The following AHDC1 variants were observed in gnomAD, a reference collection of about 807,000 sequenced individuals.
AHDC1 encodes the protein AT-hook DNA binding motif containing 1, also known as transcription factor Gibbin.
A neutral mutation model predicts 87.9 loss-of-function variants in AHDC1; 7 were observed. That is an observed-to-expected ratio of 0.08 (90% CI 0.05 to 0.15). The LOEUF (loss-of-function observed/expected upper bound fraction) is 0.15, where lower values mean the gene tolerates loss of function less well. AHDC1 is among the 10% of genes least tolerant of loss of function. The probability of loss-of-function intolerance (pLI) is 1.00; values close to 1 mark genes in which losing one functional copy is unlikely to be tolerated. For missense variants in AHDC1, 1,841 were observed against 2,253.2 expected (o/e 0.82, Z 3.70); for synonymous variants, 1,051 against 1,006.8 (o/e 1.04, Z -0.83).
rs2148478813 is a variant in AHDC1, at chr1:27,593,024, T to G, written c.-629+10373A>C. ...GACCAGGGGCAGAGTTGGCCCCACC[T>G]CCGAGCTGCATTATTTATAAAACCC... On this transcript the variant is annotated intron_variant, in intron 3 of 8. Transcript: ENST00000673934. This position sits in a 1 kb window ranked among gnomAD's most constrained non-coding sequence, Gnocchi z 4.9. 6.6e-6 allele frequency among the ~76,000 whole-genome samples: 1 copy of G among 152,096 alleles called. No individual in the cohort carries two copies. The highest frequency in any genetic ancestry group is 2.1e-4 in the South Asian group (1 of 4,818).
chr1:27,577,332 C>T (rs1244357714), intron 3 of AHDC1, among the ~76,000 whole-genome samples: 2 of 152,228 alleles, frequency 1.3e-5, no homozygotes, highest in Admixed American at 1.3e-4. Flanking sequence ...CTGTTCAGCT[C>T]CTGCCGTGCG....
chr1:27,570,745 T>C (rs912047134), intron 3 of AHDC1, among the ~76,000 whole-genome samples: 4 of 152,172 alleles, frequency 2.6e-5, no homozygotes, highest in Non-Finnish European at 5.9e-5. Flanking sequence ...GGAGGAAAGA[T>C]AGGGAGATTG....
rs766744511 is a variant in AHDC1, at chr1:27,548,860, A to C, written c.3256T>G (p.Ser1086Ala). 48 of 1,612,254 alleles carry C rather than the reference A, an allele frequency of 3.0e-5. No homozygotes were observed. The highest frequency in any genetic ancestry group is 7.7e-5 in the South Asian group (7 of 91,026). Residue 1086 changes from serine (S) to alanine (A), a missense_variant, in exon 8 of 9, where the codon TCC becomes GCC. Physicochemically the swap from Ser to Ala is moderately conservative, Grantham distance 99. This residue lies in a region of AHDC1 where 378 missense variants were observed against 399.0 expected (regional missense o/e 0.95). Transcript: ENST00000673934. ...GGCTGGAAGGAGGAGGAGGAGGAGGAGGCGGCAGAGGCTGCAGAGGTGGCA... is the reference window on the plus strand; with the variant it reads ...GGCTGGAAGGAGGAGGAGGAGGAGGCGGCGGCAGAGGCTGCAGAGGTGGCA... Reference protein sequence around the residue: ...ASATSAASAASSSSSSFQPSP... With the variant: ...ASATSAASAAASSSSSFQPSP...
At chr1:27,569,737 C>A (rs886148039) in intron 3 of AHDC1, among the ~76,000 whole-genome samples, 3 of 152,150 alleles carry the variant, frequency 2.0e-5, no homozygotes, top group Admixed American at 6.5e-5. Context: ...CTCACCTCCA[C>A]CTCCCCTGAC....
In AHDC1 at chr1:27,598,654, T is replaced by C. The variant is rs117207447; in HGVS notation, c.-629+4743A>G. Among the ~76,000 whole-genome samples, 495 of 152,168 alleles carry C rather than the reference T, an allele frequency of 3.3e-3. 4 individuals carry two copies. Among genetic ancestry groups the C allele is most frequent in the East Asian group, 0.021 (110 of 5,178 alleles). On this transcript the variant is annotated intron_variant, in intron 3 of 8. Transcript: ENST00000673934. The surrounding 1 kb of genome is among the most constrained non-coding windows in gnomAD (Gnocchi z 4.2). ...GGCCATTCCCACCTCCATCTACCCA[T>C]AGGGACGTGGGGGGATCACACCAGT...
chr1:27,579,329 A>G (rs1215464613), intron 3 of AHDC1, among the ~76,000 whole-genome samples: 1 of 151,812 alleles, frequency 6.6e-6, no homozygotes, highest in East Asian at 1.9e-4. Context: ...ACTTTAGCTC[A>G]CTCACTTTCT....
At chr1:27,580,818 A>G (rs965176332) in intron 3 of AHDC1, among the ~76,000 whole-genome samples, 8 of 151,982 alleles carry the variant, frequency 5.3e-5, no homozygotes, top group African/African-American at 1.5e-4. Context: ...AAACCTCACA[A>G]CATTTTAACC....
chr1:27,566,720 G>C (rs1222557398), intron 3 of AHDC1, among the ~76,000 whole-genome samples: 2 of 147,006 alleles, frequency 1.4e-5, no homozygotes, highest in Non-Finnish European at 3.0e-5. Context: ...GCCAGAACTG[G>C]GGGGGGACAG....
At chr1:27,596,681 G>T (rs2089381381) in intron 3 of AHDC1, among the ~76,000 whole-genome samples, 1 of 152,022 alleles carries the variant, frequency 6.6e-6, no homozygotes, top group African/African-American at 2.4e-5. Context: ...ATGCATGCCT[G>T]CCACTGCACG....
chr1:27,573,316 G>A (rs374939502), intron 3 of AHDC1, among the ~76,000 whole-genome samples: 2 of 152,148 alleles, frequency 1.3e-5, no homozygotes, highest in South Asian at 2.1e-4. Flanking sequence ...CCAGAGAGGG[G>A]AAGCAGCCTG....
rs1057041907 is a variant in AHDC1 at position 27,562,449 on chromosome 1, C to T, written c.-628-3566G>A. On this transcript the variant is annotated intron_variant, in intron 3 of 8. Transcript: ENST00000673934. This position sits in a 1 kb window ranked among gnomAD's most constrained non-coding sequence, Gnocchi z 4.4. ...GGCAGGAGAGGCAGGAAATAGGGTC[C>T]CCAGGCCCTCAGGGACACAGCCCCC... Among the ~76,000 whole-genome samples the T allele has an allele frequency of 6.6e-6, 1 of 152,138 alleles. No homozygotes were observed. The highest frequency in any genetic ancestry group is 1.5e-5 in the Non-Finnish European group (1 of 68,012).
At chr1:27,592,283 CGTCACCACCCAGCTT>C (rs1254998571) in intron 3 of AHDC1, among the ~76,000 whole-genome samples, 2 of 152,140 alleles carry the variant, frequency 1.3e-5, no homozygotes, top group Non-Finnish European at 2.9e-5. Context: ...CCACAGAGCC[CGTCACCACCCAGCTT>C]GTCACCTGCC....
Position 27,557,497 on chromosome 1 carries a change from T to C in AHDC1, c.-225+808A>G, listed in dbSNP as rs536944512. Among the ~76,000 whole-genome samples the C allele has an allele frequency of 4.6e-5, 7 of 152,160 alleles. No individual in the cohort carries two copies. In the South Asian group the frequency reaches 1.4e-3, roughly 32 times the overall value. On this transcript the variant is annotated intron_variant, in intron 5 of 8. Transcript: ENST00000673934. ...TGGAAAGGAAGTGACTTCAGCAATT[T>C]GGCCACAAGGCTGGGCACTGCTGAG...
chr1:27,546,556 A>G (rs2019177338), intron 8 of AHDC1, among the ~76,000 whole-genome samples: 1 of 152,232 alleles, frequency 6.6e-6, no homozygotes, highest in African/African-American at 2.4e-5. Flanking sequence ...GTGGGACCCC[A>G]GCACCCCTTC....
At chr1:27,568,050 T>C (rs182543836) in intron 3 of AHDC1, 25 of 152,432 alleles carry the variant, frequency 1.6e-4, no homozygotes, top group African/African-American at 5.8e-4. Flanking sequence ...TGACTCTGGA[T>C]GCAGTGGTGG....
chr1:27,570,837 TC>T (rs1336945538), intron 3 of AHDC1, among the ~76,000 whole-genome samples: 14 of 151,812 alleles, frequency 9.2e-5, no homozygotes, highest in Admixed American at 5.2e-4. Flanking sequence ...GCTTCTTGGC[TC>T]CCCCTTTCCA....
rs2088568196 is a variant in AHDC1 at position 27,572,578 on chromosome 1, C to A, written c.-628-13695G>T. Among the ~76,000 whole-genome samples, 3 of 152,198 alleles carry A rather than the reference C, an allele frequency of 2.0e-5. No individual in the cohort carries two copies. The South Asian group carries it at 6.2e-4, about 32-fold the overall frequency. On this transcript the variant is annotated intron_variant, in intron 3 of 8. Transcript: ENST00000673934. The stretch of plus-strand genomic sequence containing the variant: ...GCCCTGACAACACCCCTACAGATAC[C>A]CCCACAACAGTACATGACAACTCCA...
At chr1:27,542,210 G>T (rs953378150) in intron 8 of AHDC1, among the ~76,000 whole-genome samples, 4 of 152,240 alleles carry the variant, frequency 2.6e-5, no homozygotes, top group Non-Finnish European at 5.9e-5. Context: ...CATATTTGCA[G>T]TGGGGGAGAG....
At chr1:27,537,485 C>T (rs755507120) in intron 8 of AHDC1, among the ~76,000 whole-genome samples, 3 of 152,180 alleles carry the variant, frequency 2.0e-5, no homozygotes, top group South Asian at 2.1e-4. Flanking sequence ...GGGGCCAAGA[C>T]GTACGCTGAC....
Sources: gnomAD v4.1 joint callset for allele counts (sites outside exome capture counted in the v4.1 genomes callset) on GRCh38, gnomAD v4.1.1 for gene constraint, gnomAD v4.1.1 regional missense constraint, Gnocchi (gnomAD v3.1) non-coding constraint, MANE v1.5 for transcripts, NCBI Gene and HGNC (gene_info 2026-07-23, HGNC 2026-07-21) for gene names.